Variants in DCUN1D5 observed in about 807,000 individuals in gnomAD.
DCUN1D5 encodes DCN1-like protein 5.
In DCUN1D5, 10 loss-of-function variants were observed where a neutral mutation model predicts 38.3. The ratio of observed to expected loss-of-function variants is 0.26; its 90% confidence interval spans 0.16 to 0.44. DCUN1D5 has a LOEUF of 0.44. Ranked by LOEUF, DCUN1D5 falls within the 20% of genes least tolerant of loss-of-function variation. The pLI is 1.00. For synonymous variants in DCUN1D5, 93 were observed against 90.9 expected (o/e 1.02, Z -0.13); for missense variants, 148 against 275.3 (o/e 0.54, Z 3.27).
intron 4 of DCUN1D5, among the ~76,000 whole-genome samples, chr11:103,072,550 G>GA: frequency 6.6e-6 from 1 of 152,048 alleles, no homozygotes; most frequent in South Asian, 2.1e-4. Context: ...AGAAAATGTG[G>GA]CACATACACA....
chr11:103,066,477 A>G lies in DCUN1D5; in HGVS notation c.432T>C (p.Tyr144=), dbSNP rs1170288367. ...DISSFKNIYR[Y]AFDFARDKDQ... is the part of the protein sequence containing the mutation. ...CACCTACCCTTGCAAAATCAAAGGCATATCTGTAGATATTCTTAAATGACG... is the reference window on the plus strand; with the variant it reads ...CACCTACCCTTGCAAAATCAAAGGCGTATCTGTAGATATTCTTAAATGACG... Residue 144 remains tyrosine (Y), a synonymous_variant, in exon 5 of 8, where the codon TAT becomes TAC. Transcript: ENST00000260247. The surrounding 1 kb of genome is among the most constrained non-coding windows in gnomAD (Gnocchi z 4.7). The G allele has an allele frequency of 3.1e-6, 5 of 1,607,878 alleles. No homozygotes were observed. Among genetic ancestry groups the G allele is most frequent in the Non-Finnish European group, 4.3e-6 (5 of 1,176,342 alleles).
At chr11:103,080,514 AAATC>A (rs140281073) in intron 4 of DCUN1D5, among the ~76,000 whole-genome samples, 3,821 of 152,276 alleles carry the variant, frequency 0.025, 183 homozygotes, top group African/African-American at 0.087. Flanking sequence ...TGAGGGAAAA[AAATC>A]AACGATTTTC....
intron 4 of DCUN1D5, among the ~76,000 whole-genome samples, chr11:103,081,157 C>CA (rs1277427768): frequency 3.3e-5 from 5 of 152,072 alleles, no homozygotes; most frequent in African/African-American, 1.2e-4. Context: ...TCAACTTATG[C>CA]AAAAACATAA....
chr11:103,082,962 C>T (rs1468762475), intron 3 of DCUN1D5, 123 bp from the exon 4 acceptor site: 2 of 718,714 alleles, frequency 2.8e-6, no homozygotes, highest in Non-Finnish European at 4.6e-6. Context: ...AGAGTACAAC[C>T]TCTGGAATTA....
rs558824826 is a variant in DCUN1D5 at position 103,061,200 on chromosome 11, C to A, written c.*1159G>T. 1.3e-5 allele frequency among the ~76,000 whole-genome samples: 2 copies of A among 152,192 alleles called. No individual in the cohort carries two copies. The highest frequency in any genetic ancestry group is 4.8e-5 in the African/African-American group (2 of 41,540). ...ACCTTAAATCCTAATAGAAACACTC[C>A]CTTATTATGGAAAAATAACCTCTTT... On this transcript the variant is annotated 3_prime_UTR_variant, in exon 8 of 8. Transcript: ENST00000260247.
In DCUN1D5 at chr11:103,066,165, GT is replaced by G. The variant is rs538677921; in HGVS notation, c.555+103del. ...CATATTTTAGAATTTTTTCTCTAAAGTTTTTTTAAAGCATACTATTAAAAAT... is the reference window on the plus strand; with the variant it reads ...CATATTTTAGAATTTTTTCTCTAAAGTTTTTTAAAGCATACTATTAAAAAT... On this transcript the variant is annotated intron_variant, in intron 6 of 7. Coordinates refer to ENST00000260247, the MANE Select transcript of DCUN1D5 (RefSeq NM_032299.4). This position sits in a 1 kb window ranked among gnomAD's most constrained non-coding sequence, Gnocchi z 4.7. 2.2e-4 allele frequency: 143 copies of G among 662,972 alleles called. No individual in the cohort carries two copies. In the African/African-American group the frequency reaches 2.4e-3, roughly 11 times the overall value. 41.1% of individuals were successfully genotyped at this position (662,972 alleles called of 1,614,324 possible). A position where few individuals can be genotyped will look rare whatever the true frequency, so the allele number is the denominator to read the frequency against.
chr11:103,072,795 G>A (rs1270971100), intron 4 of DCUN1D5, among the ~76,000 whole-genome samples: 1 of 151,872 alleles, frequency 6.6e-6, no homozygotes, highest in East Asian at 1.9e-4. Flanking sequence ...AGCATTAGGA[G>A]ATATACCTAA....
Position 103,059,162 on chromosome 11 carries a change from ATT to A in DCUN1D5, c.*3195_*3196del, listed in dbSNP as rs1330303964. Among the ~76,000 whole-genome samples, 1 of 152,148 alleles carries A rather than the reference ATT, an allele frequency of 6.6e-6. No homozygotes were observed. The highest frequency in any genetic ancestry group is 1.5e-5 in the Non-Finnish European group (1 of 68,008). Reference sequence around the variant, plus strand: ...CAATTACACCTCAAACTGAACATATATTTCAATAAATCCTTTCATAATTTCAC... The same window carrying A: ...CAATTACACCTCAAACTGAACATATATCAATAAATCCTTTCATAATTTCAC... On this transcript the variant is annotated 3_prime_UTR_variant, in exon 8 of 8. Transcript: ENST00000260247.
chr11:103,066,386 T>A lies in DCUN1D5; in HGVS notation c.451-13A>T, dbSNP rs1862134485. The A allele has an allele frequency of 6.2e-7, 1 of 1,602,240 alleles. No homozygotes were observed. On this transcript the variant is annotated splice_polypyrimidine_tract_variant and intron_variant, in intron 5 of 7. Transcript: ENST00000260247. This position sits in a 1 kb window ranked among gnomAD's most constrained non-coding sequence, Gnocchi z 4.7. The stretch of plus-strand genomic sequence containing the variant: ...TCTGATCTTTATCCTAAAATATAAG[T>A]GAAAAAGTTTTCCTAAGTGTGGTCT...
rs1022501374 is a variant in DCUN1D5 at position 103,083,012 on chromosome 11, A to C, written c.250-173T>G. Among the ~76,000 whole-genome samples the C allele has an allele frequency of 1.3e-5, 2 of 152,062 alleles. No individual in the cohort carries two copies. The highest frequency in any genetic ancestry group is 2.9e-5 in the Non-Finnish European group (2 of 67,880). On this transcript the variant is annotated intron_variant, in intron 3 of 7. Coordinates refer to ENST00000260247, the MANE Select transcript of DCUN1D5 (RefSeq NM_032299.4). The surrounding 1 kb of genome is among the most constrained non-coding windows in gnomAD (Gnocchi z 4.4). ...AGAAATTGAGATGTGCCAATTTCTT[A>C]AAAGTAAAAAGTTCTAACAGTTTCT...
chr11:103,066,513 C>T lies in DCUN1D5; in HGVS notation c.396G>A (p.Leu132=). The part of the protein sequence containing the change: ...QNKFDFLRSQ[L]NDISSFKNIY... ...TATTCTTAAATGACGAAATATCATTCAACTGTGAGCGCAAAAAGTCAAATT... is the reference window on the plus strand; with the variant it reads ...TATTCTTAAATGACGAAATATCATTTAACTGTGAGCGCAAAAAGTCAAATT... The change falls in exon 5 of 8, where the codon TTG becomes TTA. Residue 132 remains leucine (L), a synonymous_variant. Transcript: ENST00000260247. The surrounding 1 kb of genome is among the most constrained non-coding windows in gnomAD (Gnocchi z 4.7). The T allele has an allele frequency of 6.2e-7, 1 of 1,612,754 alleles. No individual in the cohort carries two copies. Among genetic ancestry groups the T allele is most frequent in the Non-Finnish European group, 8.5e-7 (1 of 1,179,314 alleles).
At chr11:103,067,296 A>G (rs1297272788) in intron 4 of DCUN1D5, among the ~76,000 whole-genome samples, 3 of 152,202 alleles carry the variant, frequency 2.0e-5, no homozygotes, top group South Asian at 2.1e-4. Flanking sequence ...CAAGGCAGTC[A>G]AGGCCTTTCA....
At chr11:103,084,448 AT>A (rs1240886279) in intron 2 of DCUN1D5, among the ~76,000 whole-genome samples, 3 of 152,174 alleles carry the variant, frequency 2.0e-5, no homozygotes, top group Non-Finnish European at 4.4e-5. Context: ...ACCCTTTTTA[AT>A]TTTTTTGTGT....
In DCUN1D5 at chr11:103,091,815, C is replaced by G. The variant is rs752206978; in HGVS notation, c.58G>C (p.Gly20Arg). 6.2e-7 allele frequency: 1 copy of G among 1,614,082 alleles called. No individual in the cohort carries two copies. The highest frequency in any genetic ancestry group is 1.7e-5 in the Admixed American group (1 of 60,014). ...GAGATTTTACACTTTTTGAGGCCTCCGTCTTCCGCTACTGCTGCTGCCACC... is the reference window on the plus strand; with the variant it reads ...GAGATTTTACACTTTTTGAGGCCTCGGTCTTCCGCTACTGCTGCTGCCACC... ...PGVAAAVAED[G>R]GLKKCKISSY... is the part of the protein sequence containing the mutation. Residue 20 changes from glycine (G) to arginine (R), a missense_variant, in exon 1 of 8, where the codon GGA (glycine) becomes CGA (arginine). Gly to Arg is a moderately radical substitution (Grantham distance 125). Coordinates refer to ENST00000260247, the MANE Select transcript of DCUN1D5 (RefSeq NM_032299.4). This position sits in a 1 kb window ranked among gnomAD's most constrained non-coding sequence, Gnocchi z 4.3.
At position 103,091,557 on chromosome 11, in the gene DCUN1D5, A is replaced by G. The variant is rs745690245; in HGVS notation, c.86+230T>C. ...CACCCTGCAGGGCACGTAGACTCTTAACGTGGGCGGCTCTTCTAGTCTCTC... is the reference window on the plus strand; with the variant it reads ...CACCCTGCAGGGCACGTAGACTCTTGACGTGGGCGGCTCTTCTAGTCTCTC... On this transcript the variant is annotated intron_variant, in intron 1 of 7. Coordinates refer to ENST00000260247, the MANE Select transcript of DCUN1D5 (RefSeq NM_032299.4). The surrounding 1 kb of genome is among the most constrained non-coding windows in gnomAD (Gnocchi z 4.3). 4 of 614,040 alleles carry G rather than the reference A, an allele frequency of 6.5e-6. No homozygotes were observed. The highest frequency in any genetic ancestry group is 8.4e-6 in the Non-Finnish European group (3 of 356,688). 38.0% of individuals were successfully genotyped at this position (614,040 alleles called of 1,614,324 possible).
In DCUN1D5 at chr11:103,071,065, T is replaced by C. The variant is rs1162040260; in HGVS notation, c.342-4498A>G. On this transcript the variant is annotated intron_variant, in intron 4 of 7. Coordinates refer to ENST00000260247, the MANE Select transcript of DCUN1D5 (RefSeq NM_032299.4). The surrounding 1 kb of genome is among the most constrained non-coding windows in gnomAD (Gnocchi z 4.1). ...TGTTGACATACAAATAAAGCAGTACTGAGAAGGAAATTTATAGTGCTAAAT... is the reference window on the plus strand; with the variant it reads ...TGTTGACATACAAATAAAGCAGTACCGAGAAGGAAATTTATAGTGCTAAAT... Among the ~76,000 whole-genome samples, 1 of 151,830 alleles carries C rather than the reference T, an allele frequency of 6.6e-6. No individual in the cohort carries two copies. The highest frequency in any genetic ancestry group is 2.4e-5 in the African/African-American group (1 of 41,322).
At position 103,071,900 on chromosome 11, in the gene DCUN1D5, T is replaced by C. The variant is rs1394544662; in HGVS notation, c.342-5333A>G. On this transcript the variant is annotated intron_variant, in intron 4 of 7. Transcript: ENST00000260247. This position sits in a 1 kb window ranked among gnomAD's most constrained non-coding sequence, Gnocchi z 4.1. ...TAAAAGATTAAGAAAATTTAAAATATTTAAAAAAAGAAAAATTTATTTAAT... is the reference window on the plus strand; with the variant it reads ...TAAAAGATTAAGAAAATTTAAAATACTTAAAAAAAGAAAAATTTATTTAAT... Among the ~76,000 whole-genome samples the C allele has an allele frequency of 2.0e-5, 3 of 151,244 alleles. No individual in the cohort carries two copies. The highest frequency in any genetic ancestry group is 4.4e-5 in the Non-Finnish European group (3 of 67,762).
rs376042009 is a variant in DCUN1D5, at chr11:103,091,834, T to G, written c.39A>C (p.Ala13=). 1.2e-5 allele frequency: 20 copies of G among 1,613,930 alleles called. No individual in the cohort carries two copies. Among genetic ancestry groups the G allele is most frequent in the Non-Finnish European group, 2.5e-6 (3 of 1,179,938 alleles). The part of the protein sequence containing the change: ...VKKKRKSPGV[A]AAVAEDGGLK... ...GGCCTCCGTCTTCCGCTACTGCTGCTGCCACCCCAGGGGATTTTCTCTTCT... is the reference window on the plus strand; with the variant it reads ...GGCCTCCGTCTTCCGCTACTGCTGCGGCCACCCCAGGGGATTTTCTCTTCT... Residue 13 remains alanine (A), a synonymous_variant, in exon 1 of 8, where the codon GCA becomes GCC. Coordinates refer to ENST00000260247, the MANE Select transcript of DCUN1D5 (RefSeq NM_032299.4). The surrounding 1 kb of genome is among the most constrained non-coding windows in gnomAD (Gnocchi z 4.3).
chr11:103,089,651 T>C (rs1022251815), intron 1 of DCUN1D5, among the ~76,000 whole-genome samples: 2 of 152,132 alleles, frequency 1.3e-5, no homozygotes, highest in Non-Finnish European at 2.9e-5. Context: ...TTCTATTGAT[T>C]TGCATAGAAA....
Sources: gnomAD v4.1 joint callset for allele counts (sites outside exome capture counted in the v4.1 genomes callset) on GRCh38, gnomAD v4.1.1 for gene constraint, Gnocchi (gnomAD v3.1) non-coding constraint, MANE v1.5 for transcripts, NCBI Gene and HGNC (gene_info 2026-07-23, HGNC 2026-07-21) for gene names.